Variants in GIMAP2 observed in about 807,000 individuals in gnomAD.
The protein encoded by GIMAP2 is GTPase, IMAP family member 2.
GIMAP2 carries 22 observed loss-of-function variants against 25.5 expected under a neutral mutation model. The ratio of observed to expected loss-of-function variants is 0.86; its 90% CI spans 0.62 to 1.23. The LOEUF (loss-of-function observed/expected upper bound fraction) is 1.23. Ranked by LOEUF, GIMAP2 falls within the 50% of genes most tolerant of loss-of-function variation. GIMAP2 has a pLI of 0.00. For missense variants in GIMAP2, 422 were observed against 395.7 expected, an observed-to-expected ratio of 1.07 and a Z score of -0.56; for synonymous variants, 167 against 143.0, an observed-to-expected ratio of 1.17 and a Z score of -1.20.
In GIMAP2 at chr7:150,692,568, G is replaced by A. The variant is rs1387770635; in HGVS notation, c.282G>A (p.Glu94=). 3 of 1,614,102 alleles carry A rather than the reference G, an allele frequency of 1.9e-6. No individual in the cohort carries two copies. The highest frequency in any genetic ancestry group is 4.5e-5 in the East Asian group (2 of 44,862). Residue 94 remains glutamate, a synonymous_variant, in exon 3 of 3, where the codon GAG becomes GAA. Coordinates refer to ENST00000223293, the MANE Select transcript of GIMAP2 (RefSeq NM_015660.3). The stretch of plus-strand genomic sequence containing the variant: ...ACCACTGTGAAGCTCTGTACAAAGA[G>A]GTGCAGAGGTGCTACTTGCTGTCTG... The part of the protein sequence containing the change: ...WKDHCEALYK[E]VQRCYLLSAP...
chr7:150,693,309 C>T lies in GIMAP2; in HGVS notation c.*9C>T. 5 of 1,513,634 alleles carry T rather than the reference C, an allele frequency of 3.3e-6. No homozygotes were observed. The highest frequency in any genetic ancestry group is 4.4e-6 in the Non-Finnish European group (5 of 1,131,484). 93.8% of individuals were successfully genotyped at this position (1,513,634 alleles called of 1,614,324 possible). A position where few individuals can be genotyped will look rare whatever the true frequency, so the allele number is the denominator to read the frequency against. On this transcript the variant is annotated 3_prime_UTR_variant, in exon 3 of 3. Coordinates refer to ENST00000223293, the MANE Select transcript of GIMAP2 (RefSeq NM_015660.3). The stretch of plus-strand genomic sequence containing the variant: ...AGACTCCTAGGTTATAGTTACAGAT[C>T]CCAGTTATTATTTACTCACTATCAT...
At chr7:150,688,145 G>A (rs1014140938) in intron 2 of GIMAP2, among the ~76,000 whole-genome samples, 9 of 152,098 alleles carry the variant, frequency 5.9e-5, no homozygotes, top group Non-Finnish European at 1.2e-4. Context: ...GTTGCGGGGT[G>A]GAGGGAATGG....
chr7:150,689,439 G>A, intron 2 of GIMAP2: 1 of 696,368 alleles, frequency 1.4e-6, no homozygotes, highest in Middle Eastern at 2.6e-4. Context: ...CAGCAACTCA[G>A]GACTCCCACC....
chr7:150,689,193 TC>T (rs1585206903), intron 2 of GIMAP2, among the ~76,000 whole-genome samples: 3 of 152,208 alleles, frequency 2.0e-5, no homozygotes, highest in African/African-American at 7.2e-5. Context: ...CTAACTCCTC[TC>T]AAAAATTTGC....
Position 150,693,206 on chromosome 7 carries a change from A to T in GIMAP2, c.920A>T (p.Asn307Ile). The part of the protein sequence containing the change: ...LFCCLLFSMC[N>I]LFCSLLFIIP... ...TGTTGCTTACTCTTTAGTATGTGCA[A>T]TTTATTCTGCAGTTTGCTGTTTATT... The change falls in exon 3 of 3, where the codon AAT (asparagine) becomes ATT (isoleucine). Residue 307 changes from asparagine (N) to isoleucine (I), a missense_variant. Physicochemically the swap from Asn to Ile is moderately radical, Grantham distance 149. Transcript: ENST00000223293. 1.2e-6 allele frequency: 2 copies of T among 1,611,234 alleles called. No homozygotes were observed. Among genetic ancestry groups the T allele is most frequent in the Non-Finnish European group, 8.5e-7 (1 of 1,178,490 alleles).
Position 150,689,782 on chromosome 7 carries a change from A to C in GIMAP2, c.29-2533A>C, listed in dbSNP as rs192456691. The C allele has an allele frequency of 1.2e-4, 52 of 438,906 alleles. No individual in the cohort carries two copies. In the East Asian group the frequency reaches 1.7e-3, roughly 14 times the overall value. 27.2% of individuals were successfully genotyped at this position (438,906 alleles called of 1,614,324 possible). A position where few individuals can be genotyped will look rare whatever the true frequency, so the allele number is the denominator to read the frequency against. The stretch of plus-strand genomic sequence containing the variant: ...ATGGCAAAGCACTAATACTTCAGGC[A>C]TAGAAAACGGGCAGGTTCAAATGCC... On this transcript the variant is annotated intron_variant, in intron 2 of 2. Transcript: ENST00000223293.
intron 2 of GIMAP2, among the ~76,000 whole-genome samples, chr7:150,688,379 C>G (rs944150381): frequency 1.3e-5 from 2 of 152,204 alleles, no homozygotes; most frequent in Non-Finnish European, 2.9e-5. Flanking sequence ...GATCTGCCCA[C>G]CTCAGCCTCC....
At position 150,693,579 on chromosome 7, in the gene GIMAP2, G is replaced by T. The variant is rs1563356401; in HGVS notation, c.*279G>T. On this transcript the variant is annotated 3_prime_UTR_variant, in exon 3 of 3. Coordinates refer to ENST00000223293, the MANE Select transcript of GIMAP2 (RefSeq NM_015660.3). ...CTAAAATCTCATTTTCTTCTTTCTA[G>T]TACTACTATTTCTACTGAATATAAT... The T allele has an allele frequency of 3.3e-6, 1 of 298,894 alleles. No homozygotes were observed. Among genetic ancestry groups the T allele is most frequent in the Non-Finnish European group, 6.2e-6 (1 of 162,046 alleles). The allele number at this position is 298,894 out of a possible 1,614,324, so 18.5% of individuals were successfully genotyped here.
At chr7:150,691,950 C>T (rs1332868096) in intron 2 of GIMAP2, among the ~76,000 whole-genome samples, 2 of 152,114 alleles carry the variant, frequency 1.3e-5, no homozygotes, top group East Asian at 3.8e-4. Flanking sequence ...CCACTACCGG[C>T]TGGGCCCGGT....
chr7:150,686,960 A>AAATG (rs1554513771), intron 1 of GIMAP2, 92 bp from the exon 2 acceptor site: 2 of 450,102 alleles, frequency 4.4e-6, no homozygotes, highest in Admixed American at 4.1e-5. Flanking sequence ...AAAAAAAAAA[A>AAATG]AAAGAAAGAA....
chr7:150,685,706 C>G lies in GIMAP2; in HGVS notation c.-88C>G, dbSNP rs1470526420. ...AAGACCGACTGGAGTCTCGGTTTTACTTTCTTTTTCTCTTGGAGCTGAGCT... is the reference window on the plus strand; with the variant it reads ...AAGACCGACTGGAGTCTCGGTTTTAGTTTCTTTTTCTCTTGGAGCTGAGCT... On this transcript the variant is annotated 5_prime_UTR_variant, in exon 1 of 3. Coordinates refer to ENST00000223293, the MANE Select transcript of GIMAP2 (RefSeq NM_015660.3). 3 of 984,168 alleles carry G rather than the reference C, an allele frequency of 3.0e-6. No homozygotes were observed. The highest frequency in any genetic ancestry group is 2.3e-4 in the East Asian group (2 of 8,818). 61.0% of individuals were successfully genotyped at this position (984,168 alleles called of 1,614,324 possible).
rs765115379 is a variant in GIMAP2, at chr7:150,692,854, A to G, written c.568A>G (p.Asn190Asp). ...CTTTAATAACCGTGCTGAAGGGAGC[A>G]ATCAGGATGACCAAGTGAAGGAACT... ...CAFNNRAEGSNQDDQVKELMD... is the reference protein window; with the variant it reads ...CAFNNRAEGSDQDDQVKELMD... Residue 190 changes from asparagine to aspartate, a missense_variant, in exon 3 of 3, where the codon AAT becomes GAT. Physicochemically the swap from Asn to Asp is conservative, Grantham distance 23. Transcript: ENST00000223293. 2 of 1,614,214 alleles carry G rather than the reference A, an allele frequency of 1.2e-6. No individual in the cohort carries two copies. The highest frequency in any genetic ancestry group is 1.7e-5 in the Admixed American group (1 of 60,032).
Position 150,692,889 on chromosome 7 carries a change from T to C in GIMAP2, c.603T>C (p.Cys201=), listed in dbSNP as rs1202473113. The C allele has an allele frequency of 6.2e-7, 1 of 1,614,192 alleles. No homozygotes were observed. Among genetic ancestry groups the C allele is most frequent in the South Asian group, 1.1e-5 (1 of 91,088 alleles). Residue 201 remains cysteine (C), a synonymous_variant, in exon 3 of 3, where the codon TGT becomes TGC. Coordinates refer to ENST00000223293, the MANE Select transcript of GIMAP2 (RefSeq NM_015660.3). ...QDDQVKELMD[C]IEDLLMEKNG... ...ACCAAGTGAAGGAACTAATGGACTG[T>C]ATTGAGGATCTGTTGATGGAGAAAA... is the stretch of plus-strand genomic sequence containing the variant.
rs551163623 is a variant in GIMAP2 at position 150,688,290 on chromosome 7, C to T, written c.28+1203C>T. ...GGATTACAGGCATGTGTCATCATGC[C>T]TGGCTAATTTTTATATTTTTAGTAG... On this transcript the variant is annotated intron_variant, in intron 2 of 2. Transcript: ENST00000223293. 1.4e-3 allele frequency among the ~76,000 whole-genome samples: 217 copies of T among 152,172 alleles called. 3 individuals carry two copies. The highest frequency in any genetic ancestry group is 5.0e-3 in the African/African-American group (206 of 41,508).
chr7:150,691,670 A>G (rs188541368), intron 2 of GIMAP2, among the ~76,000 whole-genome samples: 24 of 152,358 alleles, frequency 1.6e-4, no homozygotes, highest in African/African-American at 4.6e-4. Flanking sequence ...CACTTGGCCC[A>G]CATTGAGATG....
At chr7:150,687,717 T>TTGTG (rs145943318) in intron 2 of GIMAP2, among the ~76,000 whole-genome samples, 20,902 of 150,080 alleles carry the variant, frequency 0.14, 1,582 homozygotes, top group South Asian at 0.19. Context: ...CATAGGTTCT[T>TTGTG]TGTGTGTGTG....
intron 2 of GIMAP2, chr7:150,689,588 T>A (rs1442187131): frequency 1.4e-6 from 1 of 700,818 alleles, no homozygotes. Context: ...TATAGAAATG[T>A]GTAATGTAAT....
In GIMAP2 at chr7:150,690,580, T is replaced by C. The variant is rs184371611; in HGVS notation, c.29-1735T>C. ...TCAATAAAGGGTAGATTTCACTAAC[T>C]ATTTAGGTGACTTTGTCCAAGTTAC... On this transcript the variant is annotated intron_variant, in intron 2 of 2. Transcript: ENST00000223293. Among the ~76,000 whole-genome samples, 305 of 152,344 alleles carry C rather than the reference T, an allele frequency of 2.0e-3. 1 individual carries two copies. The highest frequency in any genetic ancestry group is 7.0e-3 in the African/African-American group (290 of 41,572).
Position 150,692,449 on chromosome 7 carries a change from C to G in GIMAP2, c.163C>G (p.Gln55Glu), listed in dbSNP as rs766954394. The G allele has an allele frequency of 4.3e-6, 7 of 1,614,052 alleles. No individual in the cohort carries two copies. The highest frequency in any genetic ancestry group is 5.9e-6 in the Non-Finnish European group (7 of 1,180,030). ...AGCATTTGAATCGAAGCTGGGTTCCCAGACCTTGACTAAGACTTGCAGCAA... is the reference window on the plus strand; with the variant it reads ...AGCATTTGAATCGAAGCTGGGTTCCGAGACCTTGACTAAGACTTGCAGCAA... ...KQAFESKLGS[Q>E]TLTKTCSKSQ... is the part of the protein sequence containing the mutation. Residue 55 changes from glutamine to glutamate, a missense_variant, in exon 3 of 3, where the codon CAG becomes GAG. Gln to Glu is a conservative substitution (Grantham distance 29). Transcript: ENST00000223293.
Sources: gnomAD v4.1 joint callset for allele counts (sites outside exome capture counted in the v4.1 genomes callset) on GRCh38, gnomAD v4.1.1 for gene constraint, MANE v1.5 for transcripts, NCBI Gene and HGNC (gene_info 2026-07-23, HGNC 2026-07-21) for gene names.